The following STK17B variants were observed in gnomAD, a reference collection of about 807,000 sequenced individuals.
STK17B encodes serine/threonine-protein kinase 17B.
In STK17B, 21 loss-of-function variants were observed where a neutral mutation model predicts 42.0. The ratio of observed to expected loss-of-function variants is 0.50; its 90% confidence interval spans 0.35 to 0.72. STK17B has a LOEUF of 0.72. STK17B is among the 30% of genes least tolerant of loss of function. The pLI is 0.00. For missense variants in STK17B, 349 were observed against 446.0 expected (o/e 0.78, Z 1.96); for synonymous variants, 143 against 148.4 (o/e 0.96, Z 0.26).
At chr2:196,148,555 C>T (rs764142275) in intron 3 of STK17B, among the ~76,000 whole-genome samples, 1 of 152,062 alleles carries the variant, frequency 6.6e-6, no homozygotes, top group Non-Finnish European at 1.5e-5. Context: ...GATATAAATA[C>T]TGATAATCTA....
intron 2 of STK17B, among the ~76,000 whole-genome samples, chr2:196,159,453 G>A (rs1470718753): frequency 3.3e-5 from 5 of 151,880 alleles, no homozygotes; most frequent in African/African-American, 4.8e-5. Context: ...TGGGACCACA[G>A]GCACGCACCA....
upstream of STK17B, among the ~76,000 whole-genome samples, chr2:196,175,110 C>T (rs1201113858): frequency 6.6e-6 from 1 of 152,024 alleles, no homozygotes; most frequent in Non-Finnish European, 1.5e-5. Context: ...TTATTTAACC[C>T]AATATTTCTA....
rs1699525803 is a variant in STK17B at position 196,143,697 on chromosome 2, T to G, written c.481-11A>C. 6.7e-7 allele frequency: 1 copy of G among 1,496,158 alleles called. No homozygotes were observed. Among genetic ancestry groups the G allele is most frequent in the Non-Finnish European group, 8.9e-7 (1 of 1,121,368 alleles). The allele number at this position is 1,496,158 out of a possible 1,614,324, so 92.7% of individuals were successfully genotyped here. ...TAATATATTCTGTGGCTAAACAAAG[T>G]ACAACAAAAACATGATAAGTAATAT... On this transcript the variant is annotated splice_polypyrimidine_tract_variant and intron_variant, in intron 4 of 7. Coordinates refer to ENST00000263955, the MANE Select transcript of STK17B (RefSeq NM_004226.4).
At chr2:196,167,564 A>C (rs1260099788) in intron 1 of STK17B, among the ~76,000 whole-genome samples, 2 of 152,238 alleles carry the variant, frequency 1.3e-5, no homozygotes, top group African/African-American at 4.8e-5. Context: ...TGTCAGTTCT[A>C]AACAGGTAGC....
intron 1 of STK17B, among the ~76,000 whole-genome samples, 151 bp from the exon 2 acceptor site, chr2:196,163,578 G>C (rs1305177323): frequency 6.7e-6 from 1 of 150,266 alleles, no homozygotes; most frequent in Non-Finnish European, 1.5e-5. Context: ...AAAACAAAAA[G>C]CATACACATA....
In STK17B at chr2:196,143,653, G is replaced by A; in HGVS notation, c.514C>T (p.Leu172Phe). The A allele has an allele frequency of 6.2e-7, 1 of 1,604,888 alleles. No individual in the cohort carries two copies. Among genetic ancestry groups the A allele is most frequent in the Non-Finnish European group, 8.5e-7 (1 of 1,175,948 alleles). ...QNILLSSIYP[L>F]GDIKIVDFGM... is the part of the protein sequence containing the mutation. ...AAATCTACTATTTTAATGTCCCCGA[G>A]AGGGTATATGCTGCTCAGTAATATA... Residue 172 changes from leucine to phenylalanine, a missense_variant, in exon 5 of 8, where the codon CTC becomes TTC. Leu to Phe is a conservative substitution (Grantham distance 22). Coordinates refer to ENST00000263955, the MANE Select transcript of STK17B (RefSeq NM_004226.4).
intron 3 of STK17B, among the ~76,000 whole-genome samples, chr2:196,148,163 T>C (rs752266189): frequency 5.3e-5 from 8 of 152,210 alleles, no homozygotes; most frequent in Non-Finnish European, 8.8e-5. Flanking sequence ...GGAATTCACA[T>C]TTTCTTAATC....
chr2:196,159,649 T>C (rs1032296156), intron 2 of STK17B, among the ~76,000 whole-genome samples: 24 of 152,190 alleles, frequency 1.6e-4, no homozygotes, highest in Admixed American at 1.5e-3. Flanking sequence ...TACTCATTAA[T>C]CCAGGGCAAA....
At chr2:196,174,660 G>T (rs539028007), upstream of STK17B, among the ~76,000 whole-genome samples, 1 of 152,208 alleles carries the variant, frequency 6.6e-6, no homozygotes, top group Non-Finnish European at 1.5e-5. Context: ...ATGGAGACAG[G>T]CTCCTCCAAA....
intron 3 of STK17B, among the ~76,000 whole-genome samples, chr2:196,148,447 T>A (rs1559410998): frequency 6.6e-6 from 1 of 152,162 alleles, no homozygotes; most frequent in Non-Finnish European, 1.5e-5. Flanking sequence ...TAATATTATA[T>A]TAGGTAATAG....
rs1270198295 is a variant in STK17B at position 196,156,529 on chromosome 2, G to C, written c.245C>G (p.Ala82Gly). ...ACAAGACTTTGCCAATTCAAGCACA[G>C]CAATCTCGTGTAAAATTTCTGCTCG... is the stretch of plus-strand genomic sequence containing the variant. ...DCRAEILHEI[A>G]VLELAKSCPR... The change falls in exon 3 of 8, where the codon GCT becomes GGT. Residue 82 changes from alanine (A) to glycine (G), a missense_variant. Physicochemically the swap from Ala to Gly is moderately conservative, Grantham distance 60. Coordinates refer to ENST00000263955, the MANE Select transcript of STK17B (RefSeq NM_004226.4). 6.2e-6 allele frequency: 10 copies of C among 1,613,890 alleles called. No individual in the cohort carries two copies. The African/African-American group carries it at 1.3e-4, about 22-fold the overall frequency.
chr2:196,158,627 T>G (rs1699770949), intron 2 of STK17B, among the ~76,000 whole-genome samples: 1 of 152,152 alleles, frequency 6.6e-6, no homozygotes, highest in Admixed American at 6.5e-5. Context: ...TGAAAGCTCA[T>G]AAATGGAATC....
At position 196,156,587 on chromosome 2, in the gene STK17B, A is replaced by G; in HGVS notation, c.187T>C (p.Phe63Leu). The G allele has an allele frequency of 6.2e-7, 1 of 1,614,008 alleles. No homozygotes were observed. Among genetic ancestry groups the G allele is most frequent in the Non-Finnish European group, 8.5e-7 (1 of 1,179,966 alleles). ...TGTCCTCTTCTTCTCTTTTTTAGAAATTTTGCAGCATATTCTTGGCCAGTA... is the reference window on the plus strand; with the variant it reads ...TGTCCTCTTCTTCTCTTTTTTAGAAGTTTTGCAGCATATTCTTGGCCAGTA... Reference protein sequence around the residue: ...KSTGQEYAAKFLKKRRRGQDC... With the variant: ...KSTGQEYAAKLLKKRRRGQDC... Residue 63 changes from phenylalanine (F) to leucine (L), a missense_variant, in exon 3 of 8, where the codon TTT becomes CTT. This residue lies in a region of STK17B where 256 missense variants were observed against 347.7 expected (regional missense o/e 0.74). Transcript: ENST00000263955.
intron 2 of STK17B, among the ~76,000 whole-genome samples, chr2:196,159,961 G>A (rs1443788009): frequency 6.6e-6 from 1 of 152,094 alleles, no homozygotes; most frequent in Non-Finnish European, 1.5e-5. Flanking sequence ...TATATACTAT[G>A]AAGGTAAACA....
chr2:196,169,068 ATTTTTTTTT>A (rs571438990), intron 1 of STK17B, among the ~76,000 whole-genome samples: 2,203 of 112,692 alleles, frequency 0.02, 37 homozygotes, highest in African/African-American at 0.063. Flanking sequence ...TAGGAATACT[ATTTTTTTTT>A]TTTTTTTTTT....
At chr2:196,168,421 T>C (rs1699896912) in intron 1 of STK17B, among the ~76,000 whole-genome samples, 1 of 152,278 alleles carries the variant, frequency 6.6e-6, no homozygotes, top group African/African-American at 2.4e-5. Flanking sequence ...AGACGGAAAA[T>C]TGGGTTTCTG....
In STK17B at chr2:196,137,447, C is replaced by T; in HGVS notation, c.1119G>A (p.Ter373=). The T allele has an allele frequency of 6.2e-7, 1 of 1,612,192 alleles. No individual in the cohort carries two copies. Among genetic ancestry groups the T allele is most frequent in the Non-Finnish European group, 8.5e-7 (1 of 1,179,168 alleles). The part of the protein sequence containing the change: ...PHELVSDLLC[*] ...TCCAAATGAGTCAAAGAAAAAAGTG[C>T]TAACAGAGCAAATCTGAAACAAGTT... The change falls in exon 8 of 8, where the codon TAG becomes TAA. Residue 373 remains the stop codon, a stop_retained_variant. Coordinates refer to ENST00000263955, the MANE Select transcript of STK17B (RefSeq NM_004226.4).
intron 1 of STK17B, 113 bp from the exon 2 acceptor site, chr2:196,163,540 A>T (rs1699839667): frequency 2.4e-6 from 2 of 820,186 alleles, no homozygotes; most frequent in African/African-American, 3.6e-5. Flanking sequence ...AAAAGATTTA[A>T]AGAGCACATT....
intron 1 of STK17B, among the ~76,000 whole-genome samples, chr2:196,170,372 T>A (rs1449082985): frequency 6.6e-6 from 1 of 152,204 alleles, no homozygotes; most frequent in Admixed American, 6.5e-5. Context: ...GATGTAAACA[T>A]TACGTCGACA....
Sources: gnomAD v4.1 joint callset for allele counts (sites outside exome capture counted in the v4.1 genomes callset) on GRCh38, gnomAD v4.1.1 for gene constraint, gnomAD v4.1.1 regional missense constraint, MANE v1.5 for transcripts, NCBI Gene and HGNC (gene_info 2026-07-23, HGNC 2026-07-21) for gene names.